Variants in CPNE1 observed in about 807,000 individuals in gnomAD.
The protein encoded by CPNE1 is copine 1.
In CPNE1, 58 loss-of-function variants were observed where a neutral mutation model predicts 63.2. The observed-to-expected ratio is 0.92, with a 90% CI of 0.74 to 1.14. The LOEUF (loss-of-function observed/expected upper bound fraction) is 1.14. Ranked by LOEUF, CPNE1 falls within the 50% of genes most tolerant of loss-of-function variation. The pLI is 0.00. For missense variants in CPNE1, 672 were observed against 661.7 expected (o/e 1.02, Z -0.17); for synonymous variants, 237 against 249.0 (o/e 0.95, Z 0.45).
chr20:35,649,538 A>G (rs1403649548), intron 1 of CPNE1: 1 of 152,666 alleles, frequency 6.6e-6, no homozygotes, highest in African/African-American at 2.4e-5. Flanking sequence ...TGGAGTACAA[A>G]GCTAGGAACT....
intron 1 of CPNE1, chr20:35,653,322 A>C (rs747644264): frequency 6.2e-7 from 1 of 1,613,682 alleles, no homozygotes; most frequent in Non-Finnish European, 8.5e-7. Flanking sequence ...CTGCACCGGG[A>C]AGTCCTGCAC....
chr20:35,661,460 A>G (rs1395451232), intron 1 of CPNE1, among the ~76,000 whole-genome samples: 1 of 152,246 alleles, frequency 6.6e-6, no homozygotes. Flanking sequence ...CTATACATAC[A>G]GCATAATGAT....
intron 1 of CPNE1, among the ~76,000 whole-genome samples, chr20:35,640,281 A>C (rs755334664): frequency 5.3e-5 from 8 of 152,194 alleles, no homozygotes; most frequent in Non-Finnish European, 1.2e-4. Flanking sequence ...ATCTGTGATT[A>C]AAACTGTTCA....
chr20:35,647,407 A>C (rs546505005), intron 1 of CPNE1: 3 of 151,760 alleles, frequency 2.0e-5, no homozygotes, highest in Non-Finnish European at 2.9e-5. Context: ...ATTCGTTTTT[A>C]ATATGTGCTG....
At chr20:35,640,796 GAT>G (rs1390375636) in intron 1 of CPNE1, among the ~76,000 whole-genome samples, 1 of 152,142 alleles carries the variant, frequency 6.6e-6, no homozygotes, top group African/African-American at 2.4e-5. Context: ...GGAAAGGAGT[GAT>G]ACTCAAGGAT....
intron 1 of CPNE1, among the ~76,000 whole-genome samples, chr20:35,646,268 A>G (rs1408802954): frequency 3.4e-5 from 5 of 146,450 alleles, no homozygotes; most frequent in African/African-American, 7.7e-5. Context: ...AAAAAAAAAA[A>G]AAAAAAAAAA....
chr20:35,647,626 T>C (rs918473657), intron 1 of CPNE1, among the ~76,000 whole-genome samples: 5 of 151,826 alleles, frequency 3.3e-5, no homozygotes, highest in East Asian at 1.9e-4. Context: ...GTATGTAGAG[T>C]AGCAAGCCAC....
intron 1 of CPNE1, chr20:35,653,903 C>T: frequency 6.2e-7 from 1 of 1,614,160 alleles, no homozygotes; most frequent in Non-Finnish European, 8.5e-7. Flanking sequence ...TCTACAAAGC[C>T]TTCGCCAGTT....
rs901562959 is a variant in CPNE1, at chr20:35,664,793, C to G, written c.-34G>C. The G allele has an allele frequency of 2.0e-4, 31 of 152,434 alleles. No individual in the cohort carries two copies. Among genetic ancestry groups the G allele is most frequent in the Admixed American group, 2.0e-3 (30 of 15,298 alleles). 9.4% of individuals were successfully genotyped at this position (152,434 alleles called of 1,614,324 possible). A position where few individuals can be genotyped will look rare whatever the true frequency, so the allele number is the denominator to read the frequency against. On this transcript the variant is annotated 5_prime_UTR_variant, in exon 1 of 16. Coordinates refer to ENST00000397443, the MANE Select transcript of CPNE1 (RefSeq NM_152925.3). ...GCTGCGCGGCACCAGAACCCAGACC[C>G]CGAATTACCCCCCGCGCGAGTGCCT...
At chr20:35,657,886 C>G (rs1235251158) in intron 1 of CPNE1, among the ~76,000 whole-genome samples, 1 of 151,946 alleles carries the variant, frequency 6.6e-6, no homozygotes, top group East Asian at 1.9e-4. Flanking sequence ...CAAGGTGAAA[C>G]CCCGTCTCTA....
At chr20:35,627,559 C>T (rs1351123308) in intron 13 of CPNE1, 146 bp from the exon 14 acceptor site, 2 of 729,714 alleles carry the variant, frequency 2.7e-6, no homozygotes, top group Non-Finnish European at 4.2e-6. Flanking sequence ...ACTTAACTGT[C>T]TCCTACACAT....
At chr20:35,652,889 G>T (rs763757415) in intron 1 of CPNE1, 1 of 1,613,546 alleles carries the variant, frequency 6.2e-7, no homozygotes, top group Admixed American at 1.7e-5. Context: ...GCACTTCCAA[G>T]ACCAGGAGGG....
rs766897862 is a variant in CPNE1, at chr20:35,653,506, C to T, written c.-1+11254G>A. On this transcript the variant is annotated intron_variant, in intron 1 of 15. Coordinates refer to ENST00000397443, the MANE Select transcript of CPNE1 (RefSeq NM_152925.3). ...AGCTTCTCTCCCATTAAGTTTTTTACGGTGTAAGCGTTCAGACTTACGTGC... is the reference window on the plus strand; with the variant it reads ...AGCTTCTCTCCCATTAAGTTTTTTATGGTGTAAGCGTTCAGACTTACGTGC... 4.9e-5 allele frequency: 79 copies of T among 1,614,066 alleles called. No individual in the cohort carries two copies. The highest frequency in any genetic ancestry group is 3.3e-5 in the Non-Finnish European group (39 of 1,180,044).
intron 13 of CPNE1, among the ~76,000 whole-genome samples, chr20:35,628,710 T>G (rs1360217343): frequency 1.3e-5 from 2 of 152,374 alleles, no homozygotes; most frequent in African/African-American, 4.8e-5. Context: ...ATGTGCTAAC[T>G]GAACGCAATG....
intron 13 of CPNE1, among the ~76,000 whole-genome samples, chr20:35,628,623 A>G (rs2031920554): frequency 6.6e-6 from 1 of 152,234 alleles, no homozygotes. Flanking sequence ...GACATTCTAG[A>G]AAATATCTGG....
At chr20:35,663,501 G>A (rs570920115) in intron 1 of CPNE1, among the ~76,000 whole-genome samples, 7 of 152,214 alleles carry the variant, frequency 4.6e-5, no homozygotes, top group Admixed American at 3.9e-4. Context: ...CTTTTTTCCA[G>A]TGGGTTATAC....
chr20:35,653,664 G>A (rs2033700063), intron 1 of CPNE1: 1 of 1,614,196 alleles, frequency 6.2e-7, no homozygotes, highest in Non-Finnish European at 8.5e-7. Context: ...TTGTAATGCT[G>A]AATGGAATAT....
Position 35,632,526 on chromosome 20 carries a change from G to C in CPNE1, c.300C>G (p.Ser100=). The change falls in exon 3 of 16, where the codon TCC becomes TCG. Residue 100 remains serine, a synonymous_variant. Transcript: ENST00000397443. ...DDDFLGGAEC[S]LGQIVSSQVL... ...CCCCAGCCCTACATACCTGTCCTAG[G>C]GAACACTCAGCACCCCCTAGGAAGT... 6.2e-7 allele frequency: 1 copy of C among 1,613,610 alleles called. No individual in the cohort carries two copies. Among genetic ancestry groups the C allele is most frequent in the Non-Finnish European group, 8.5e-7 (1 of 1,179,722 alleles).
intron 1 of CPNE1, among the ~76,000 whole-genome samples, chr20:35,634,590 T>C (rs2032377644): frequency 6.6e-6 from 1 of 151,864 alleles, no homozygotes; most frequent in Non-Finnish European, 1.5e-5. Flanking sequence ...CTAGACTCCA[T>C]TTCCAAAAAG....
Sources: gnomAD v4.1 joint callset for allele counts (sites outside exome capture counted in the v4.1 genomes callset) on GRCh38, gnomAD v4.1.1 for gene constraint, MANE v1.5 for transcripts, NCBI Gene and HGNC (gene_info 2026-07-23, HGNC 2026-07-21) for gene names.